Variants in TMEM72 observed in about 807,000 individuals in gnomAD.
TMEM72 encodes kidney-specific secretory protein of 37 kDa.
TMEM72 carries 9 observed loss-of-function variants against 16.3 expected under a neutral mutation model. The ratio of observed to expected loss-of-function variants is 0.55; its 90% CI spans 0.33 to 0.96. The LOEUF is 0.96. TMEM72 is among the 40% of genes least tolerant of loss of function. TMEM72 has a pLI of 0.03. For missense variants in TMEM72, 324 were observed against 337.8 expected (o/e 0.96, Z 0.32); for synonymous variants, 160 against 146.5 (o/e 1.09, Z -0.66).
chr10:44,922,473 G>GTGA (rs1840117372), intron 1 of TMEM72, among the ~76,000 whole-genome samples: 1 of 152,210 alleles, frequency 6.6e-6, no homozygotes, highest in Non-Finnish European at 1.5e-5. Flanking sequence ...ATGTGGAACT[G>GTGA]TGATACCTTC....
At chr10:44,928,239 C>T (rs1415211728) in intron 2 of TMEM72, among the ~76,000 whole-genome samples, 1 of 152,018 alleles carries the variant, frequency 6.6e-6, no homozygotes, top group Non-Finnish European at 1.5e-5. Context: ...TCTATCCATC[C>T]ATCTGCCCAT....
intron 1 of TMEM72, among the ~76,000 whole-genome samples, chr10:44,922,222 G>T (rs746993049): frequency 1.3e-5 from 2 of 152,194 alleles, no homozygotes; most frequent in Non-Finnish European, 2.9e-5. Context: ...ACAGGTTGAA[G>T]TGAGGCCTTT....
chr10:44,932,880 C>T (rs1840324447), intron 3 of TMEM72, among the ~76,000 whole-genome samples: 1 of 152,222 alleles, frequency 6.6e-6, no homozygotes, highest in Non-Finnish European at 1.5e-5. Context: ...CACCAGGGGG[C>T]ACCAGTGAGC....
At chr10:44,928,642 C>T (rs1256875995) in intron 2 of TMEM72, among the ~76,000 whole-genome samples, 1 of 105,700 alleles carries the variant, frequency 9.5e-6, no homozygotes, top group East Asian at 2.1e-4. Flanking sequence ...ATCCATCCAT[C>T]CAACTACCCA....
chr10:44,934,306 G>A (rs1379682455), intron 4 of TMEM72, among the ~76,000 whole-genome samples: 3 of 152,156 alleles, frequency 2.0e-5, no homozygotes, highest in East Asian at 1.9e-4. Context: ...TTTCATCCAC[G>A]ACCTTTTCTG....
chr10:44,931,518 C>A (rs182633426), intron 2 of TMEM72, among the ~76,000 whole-genome samples: 16 of 152,292 alleles, frequency 1.1e-4, no homozygotes, highest in Admixed American at 9.8e-4. Flanking sequence ...GGGGCAGGGC[C>A]TGAACCCAGG....
At chr10:44,924,326 T>G (rs1052499715) in intron 1 of TMEM72, among the ~76,000 whole-genome samples, 1 of 152,144 alleles carries the variant, frequency 6.6e-6, no homozygotes, top group African/African-American at 2.4e-5. Context: ...GTCCCACGAG[T>G]GGCCCCTCCT....
chr10:44,912,455 C>T (rs1472198410), intron 1 of TMEM72, among the ~76,000 whole-genome samples: 1 of 152,222 alleles, frequency 6.6e-6, no homozygotes, highest in African/African-American at 2.4e-5. Context: ...AGACACACCC[C>T]CTATCAAAGC....
rs763425346 is a variant in TMEM72 at position 44,934,730 on chromosome 10, G to C, written c.424G>C (p.Val142Leu). 1.9e-6 allele frequency: 3 copies of C among 1,612,548 alleles called. No individual in the cohort carries two copies. Among genetic ancestry groups the C allele is most frequent in the Middle Eastern group, 1.7e-4 (1 of 6,060 alleles). Residue 142 changes from valine to leucine, a missense_variant, in exon 5 of 5, where the codon GTG (valine) becomes CTG (leucine). Transcript: ENST00000389583. ...KRKKRKAAPE[V>L]LASPEQYTDP... ...GAAGAAGAGGAAAGCTGCCCCCGAG[G>C]TGCTGGCCTCCCCAGAGCAGTACAC...
At chr10:44,929,155 C>T (rs1160655194) in intron 2 of TMEM72, among the ~76,000 whole-genome samples, 3 of 151,366 alleles carry the variant, frequency 2.0e-5, no homozygotes, top group Admixed American at 2.0e-4. Flanking sequence ...CCCTTTTTTT[C>T]CCCAGACAAT....
chr10:44,934,120 C>A (rs1840352515), intron 4 of TMEM72, among the ~76,000 whole-genome samples: 1 of 152,168 alleles, frequency 6.6e-6, no homozygotes, highest in Non-Finnish European at 1.5e-5. Context: ...TTCTGAATCT[C>A]CCCAGTGCCT....
chr10:44,930,084 C>G (rs1027723857), intron 2 of TMEM72, among the ~76,000 whole-genome samples: 2 of 152,248 alleles, frequency 1.3e-5, no homozygotes, highest in African/African-American at 4.8e-5. Flanking sequence ...TGCCCAGAAC[C>G]CTGTTTTGTC....
intron 1 of TMEM72, among the ~76,000 whole-genome samples, chr10:44,923,783 C>A (rs1840140976): frequency 6.6e-6 from 1 of 152,326 alleles, no homozygotes; most frequent in South Asian, 2.1e-4. Context: ...GCAGGGCATG[C>A]CTTCTGCTTT....
intron 1 of TMEM72, among the ~76,000 whole-genome samples, chr10:44,919,028 ACAT>A (rs1840053359): frequency 6.6e-6 from 1 of 152,228 alleles, no homozygotes. Context: ...ATGGACTAAG[ACAT>A]CATATTTAAA....
chr10:44,919,730 T>C (rs574197504), intron 1 of TMEM72, among the ~76,000 whole-genome samples: 2 of 152,320 alleles, frequency 1.3e-5, no homozygotes, highest in South Asian at 2.1e-4. Flanking sequence ...ACAGTTTCAA[T>C]AGGAGCTCAA....
intron 2 of TMEM72, 133 bp from the exon 3 acceptor site, chr10:44,931,865 T>C (rs763372974): frequency 2.1e-5 from 18 of 869,284 alleles, no homozygotes; most frequent in Middle Eastern, 2.2e-4. Context: ...CCGTGGTGAA[T>C]GTTGTCTGGG....
At chr10:44,911,611 C>T (rs1839939130) in intron 1 of TMEM72, 29 bp downstream of exon 1, 1 of 1,547,722 alleles carries the variant, frequency 6.5e-7, no homozygotes, top group Non-Finnish European at 8.7e-7. Flanking sequence ...GCTGCTGATC[C>T]TTGCACACTG....
chr10:44,914,884 AC>A lies in TMEM72; in HGVS notation c.70+3305del, dbSNP rs371380769. On this transcript the variant is annotated intron_variant, in intron 1 of 4. Transcript: ENST00000389583. Reference sequence around the variant, plus strand: ...CCCTTTGAACTTCAGCCATCCTCTTACCCTTTAACCTCAGGGGAATCTTGAA... The same window carrying A: ...CCCTTTGAACTTCAGCCATCCTCTTACCTTTAACCTCAGGGGAATCTTGAA... 2.4e-3 allele frequency among the ~76,000 whole-genome samples: 372 copies of A among 152,204 alleles called. 1 individual carries two copies. The highest frequency in any genetic ancestry group is 8.7e-3 in the African/African-American group (362 of 41,536).
intron 1 of TMEM72, among the ~76,000 whole-genome samples, chr10:44,926,649 A>C (rs1840198463): frequency 6.6e-6 from 1 of 152,128 alleles, no homozygotes; most frequent in Admixed American, 6.5e-5. Context: ...GTGGCACGTT[A>C]ATGTGGGCAG....
Sources: allele counts gnomAD v4.1 joint callset (sites outside exome capture counted in the v4.1 genomes callset), GRCh38; gene constraint gnomAD v4.1.1; transcripts MANE v1.5; gene names NCBI Gene and HGNC (gene_info 2026-07-23, HGNC 2026-07-21).